Variants in TGFA observed in about 807,000 individuals in gnomAD.
TGFA encodes protransforming growth factor alpha.
Under a neutral mutation model 21.7 loss-of-function variants are expected in TGFA, and 12 were observed. That is an observed-to-expected ratio of 0.55 (90% CI 0.35 to 0.90). The LOEUF is 0.90. Ranked by LOEUF, TGFA falls within the 40% of genes least tolerant of loss-of-function variation. TGFA has a pLI of 0.01. For synonymous variants in TGFA, 79 were observed against 88.1 expected, an observed-to-expected ratio of 0.90 and a Z score of 0.58; for missense variants, 178 against 210.8, an observed-to-expected ratio of 0.84 and a Z score of 0.96.
At chr2:70,499,268 T>C (rs542756591) in intron 2 of TGFA, among the ~76,000 whole-genome samples, 1 of 152,312 alleles carries the variant, frequency 6.6e-6, no homozygotes, top group South Asian at 2.1e-4. Flanking sequence ...GCCATATGAG[T>C]TGTTTCAGAG....
chr2:70,499,025 C>T (rs1671660264), intron 2 of TGFA, among the ~76,000 whole-genome samples: 1 of 152,008 alleles, frequency 6.6e-6, no homozygotes. Flanking sequence ...TTTTAAAACT[C>T]CCCAGGTAAT....
At chr2:70,498,589 C>A (rs1671644273) in intron 2 of TGFA, among the ~76,000 whole-genome samples, 1 of 151,996 alleles carries the variant, frequency 6.6e-6, no homozygotes, top group Admixed American at 6.6e-5. Flanking sequence ...TAGAAGGGAC[C>A]ACCCATTTAC....
At chr2:70,468,718 G>A (rs531443625) in intron 2 of TGFA, among the ~76,000 whole-genome samples, 3 of 152,270 alleles carry the variant, frequency 2.0e-5, no homozygotes, top group Admixed American at 6.5e-5. Flanking sequence ...TACTTCTTAT[G>A]AGAATCTAAT....
intron 2 of TGFA, among the ~76,000 whole-genome samples, chr2:70,500,322 A>G (rs1421735064): frequency 1.1e-4 from 17 of 152,214 alleles, no homozygotes; most frequent in Admixed American, 1.1e-3. Flanking sequence ...CCAGATTTTT[A>G]ATAGTATCAG....
At chr2:70,552,850 C>T (rs1373345322) in intron 1 of TGFA, among the ~76,000 whole-genome samples, 1 of 152,244 alleles carries the variant, frequency 6.6e-6, no homozygotes, top group Non-Finnish European at 1.5e-5. Flanking sequence ...AGGACACCTG[C>T]GCTATTGATC....
intron 2 of TGFA, among the ~76,000 whole-genome samples, chr2:70,486,975 G>T (rs1671288174): frequency 6.6e-6 from 1 of 152,084 alleles, no homozygotes; most frequent in African/African-American, 2.4e-5. Flanking sequence ...TGTTAGCCAG[G>T]ATGGTCTCGA....
intron 1 of TGFA, among the ~76,000 whole-genome samples, chr2:70,552,014 A>C (rs2103964534): frequency 6.6e-6 from 1 of 152,342 alleles, no homozygotes; most frequent in East Asian, 1.9e-4. Context: ...GATCCCAGGA[A>C]TTCAATAGGA....
At chr2:70,540,887 A>G (rs1212074515) in intron 1 of TGFA, among the ~76,000 whole-genome samples, 2 of 152,224 alleles carry the variant, frequency 1.3e-5, no homozygotes, top group African/African-American at 4.8e-5. Flanking sequence ...TAAATACTCA[A>G]CCATGAAGCA....
chr2:70,456,450 G>T lies in TGFA; in HGVS notation c.254C>A (p.Ala85Glu). The T allele has an allele frequency of 1.2e-6, 2 of 1,607,164 alleles. No homozygotes were observed. Among genetic ancestry groups the T allele is most frequent in the Non-Finnish European group, 1.7e-6 (2 of 1,177,056 alleles). ...GGCAGCCACCACGGCCAGGAGGTCC[G>T]CATGCTCACAGCGTGCACCAACGTA... ...SGYVGARCEHADLLAVVAASQ... is the reference protein window; with the variant it reads ...SGYVGARCEHEDLLAVVAASQ... Residue 85 changes from alanine to glutamate, a missense_variant, in exon 4 of 6, where the codon GCG becomes GAG. Transcript: ENST00000295400.
At chr2:70,525,020 T>G (rs903067601) in intron 1 of TGFA, among the ~76,000 whole-genome samples, 8 of 152,226 alleles carry the variant, frequency 5.3e-5, no homozygotes, top group Non-Finnish European at 8.8e-5. Flanking sequence ...AGTTAGACTC[T>G]TGGTGGCTGA....
At position 70,506,611 on chromosome 2, in the gene TGFA, A is replaced by ACAG. The variant is rs1269219117; in HGVS notation, c.94+8245_94+8247dup. Reference sequence around the variant, plus strand: ...ACCAGTAATGATAAAAAGGGTAGTAACAGCAGCAGCAGCAGCTAACACTTA... The same window carrying ACAG: ...ACCAGTAATGATAAAAAGGGTAGTAACAGCAGCAGCAGCAGCAGCTAACACTTA... On this transcript the variant is annotated intron_variant, in intron 2 of 5. Transcript: ENST00000295400. Among the ~76,000 whole-genome samples, 10 of 152,316 alleles carry ACAG rather than the reference A, an allele frequency of 6.6e-5. 1 individual carries two copies. The highest frequency in any genetic ancestry group is 8.8e-5 in the Non-Finnish European group (6 of 68,018).
intron 2 of TGFA, among the ~76,000 whole-genome samples, chr2:70,471,453 G>T (rs1433343939): frequency 6.6e-6 from 1 of 152,254 alleles, no homozygotes; most frequent in Admixed American, 6.5e-5. Context: ...CCCCTAGGGT[G>T]CTGTACGAGC....
chr2:70,469,094 C>T (rs1181421218), intron 2 of TGFA, among the ~76,000 whole-genome samples: 1 of 152,036 alleles, frequency 6.6e-6, no homozygotes, highest in African/African-American at 2.4e-5. Flanking sequence ...AGAGGAAGTC[C>T]CTTTGTCAGG....
In TGFA at chr2:70,502,869, A is replaced by G. The variant is rs545210109; in HGVS notation, c.94+11990T>C. Among the ~76,000 whole-genome samples the G allele has an allele frequency of 2.6e-5, 4 of 152,242 alleles. No individual in the cohort carries two copies. The East Asian group carries it at 5.8e-4, about 22-fold the overall frequency. ...TCCTATGTAAGCCTCGCCCTGTTCT[A>G]AGTGCTTTACGTATATTCTCTCATT... On this transcript the variant is annotated intron_variant, in intron 2 of 5. Coordinates refer to ENST00000295400, the MANE Select transcript of TGFA (RefSeq NM_003236.4).
At chr2:70,457,153 G>GGTGAT (rs1670258788) in intron 3 of TGFA, among the ~76,000 whole-genome samples, 1 of 152,282 alleles carries the variant, frequency 6.6e-6, no homozygotes, top group Admixed American at 6.5e-5. Context: ...GCTAATACCA[G>GGTGAT]GTGATGTAAT....
rs182248876 is a variant in TGFA at position 70,490,489 on chromosome 2, C to T, written c.94+24370G>A. Reference sequence around the variant, plus strand: ...GATAATGCGCTTTGCACTGCAGTTACGTAAGTACAGTGGAAGTTCTTGTGT... The same window carrying T: ...GATAATGCGCTTTGCACTGCAGTTATGTAAGTACAGTGGAAGTTCTTGTGT... On this transcript the variant is annotated intron_variant, in intron 2 of 5. Transcript: ENST00000295400. 2.0e-3 allele frequency among the ~76,000 whole-genome samples: 301 copies of T among 152,330 alleles called. 2 individuals carry two copies. Among genetic ancestry groups the T allele is most frequent in the Non-Finnish European group, 2.5e-3 (170 of 68,030 alleles).
At chr2:70,547,702 A>C (rs868970782) in intron 1 of TGFA, among the ~76,000 whole-genome samples, 61 of 148,414 alleles carry the variant, frequency 4.1e-4, no homozygotes, top group African/African-American at 1.3e-3. Flanking sequence ...AAATAGAATA[A>C]GTATAGATAG....
At chr2:70,521,000 C>T (rs1021658451) in intron 1 of TGFA, among the ~76,000 whole-genome samples, 1 of 152,096 alleles carries the variant, frequency 6.6e-6, no homozygotes, top group Non-Finnish European at 1.5e-5. Flanking sequence ...TCCTATCCAT[C>T]CCCCTGCATC....
At chr2:70,500,459 T>TAA (rs59778317) in intron 2 of TGFA, among the ~76,000 whole-genome samples, 68 of 148,316 alleles carry the variant, frequency 4.6e-4, no homozygotes, top group African/African-American at 1.1e-3. Flanking sequence ...AAGCAGAGTT[T>TAA]AAAAAAAAAA....
Sources: allele counts gnomAD v4.1 joint callset (sites outside exome capture counted in the v4.1 genomes callset), GRCh38; gene constraint gnomAD v4.1.1; transcripts MANE v1.5; gene names NCBI Gene and HGNC (gene_info 2026-07-23, HGNC 2026-07-21).